RBFOX1: variants seen among roughly 807,000 people sequenced by gnomAD.
RBFOX1 encodes RNA binding protein fox-1 homolog 1.
Under a neutral mutation model 57.7 loss-of-function variants are expected in RBFOX1, and 8 were observed. That is an observed-to-expected ratio of 0.14 (90% CI 0.08 to 0.25). The LOEUF is 0.25. Among genes scored for constraint, RBFOX1 ranks in the 10% least tolerant of loss-of-function variants. RBFOX1 has a pLI of 1.00. For missense variants in RBFOX1, 611 were observed against 548.5 expected (o/e 1.11, Z -1.14); for synonymous variants, 326 against 222.4 (o/e 1.47, Z -4.15).
chr16:6,844,051 C>T (rs1001101375), intron 3 of RBFOX1, among the ~76,000 whole-genome samples: 1 of 152,088 alleles, frequency 6.6e-6, no homozygotes, highest in African/African-American at 2.4e-5. Flanking sequence ...TTCTCTCTCT[C>T]TTTCTCTGTC....
chr16:5,742,699 C>A (rs559367379), intron 3 of RBFOX1, among the ~76,000 whole-genome samples: 2 of 152,274 alleles, frequency 1.3e-5, no homozygotes, highest in Admixed American at 1.3e-4. Context: ...GAATGGGTAT[C>A]ATATATGACT....
intron 2 of RBFOX1, among the ~76,000 whole-genome samples, chr16:6,364,815 T>C (rs1269282515): frequency 6.6e-6 from 1 of 152,214 alleles, no homozygotes; most frequent in Non-Finnish European, 1.5e-5. Flanking sequence ...TCTGCCTGGT[T>C]GGCTGACTTG....
At chr16:6,087,978 T>C (rs2096113759) in intron 1 of RBFOX1, among the ~76,000 whole-genome samples, 1 of 152,186 alleles carries the variant, frequency 6.6e-6, no homozygotes, top group Admixed American at 6.5e-5. Flanking sequence ...TAAAAACTCC[T>C]GCGTGTGTGT....
intron 3 of RBFOX1, among the ~76,000 whole-genome samples, chr16:5,706,765 A>T (rs1385976222): frequency 6.6e-6 from 1 of 151,758 alleles, no homozygotes; most frequent in African/African-American, 2.4e-5. Context: ...CTCCGGGGGC[A>T]CCCCTATGAA....
At chr16:6,542,740 C>T (rs1449634325) in intron 2 of RBFOX1, among the ~76,000 whole-genome samples, 3 of 149,572 alleles carry the variant, frequency 2.0e-5, no homozygotes, top group African/African-American at 4.9e-5. Context: ...GATCTGCCTG[C>T]CTCGGCCCCC....
intron 3 of RBFOX1, chr16:5,616,289 A>T (rs1210249757): frequency 6.6e-6 from 1 of 152,254 alleles, no homozygotes; most frequent in African/African-American, 2.4e-5. Context: ...TAAGGCGCAC[A>T]CGCCACCTGG....
intron 3 of RBFOX1, among the ~76,000 whole-genome samples, chr16:5,829,178 G>A (rs2056179598): frequency 6.6e-6 from 1 of 152,174 alleles, no homozygotes; most frequent in South Asian, 2.1e-4. Context: ...CTTAGAAGCT[G>A]CCTGCCACAC....
At chr16:6,357,986 A>G (rs1156810937) in intron 2 of RBFOX1, among the ~76,000 whole-genome samples, 5 of 151,874 alleles carry the variant, frequency 3.3e-5, no homozygotes. Flanking sequence ...AAAGAAATTA[A>G]TGGGGCCAGA....
intron 4 of RBFOX1, among the ~76,000 whole-genome samples, chr16:7,384,257 TATATATGAA>T (rs1376378224): frequency 6.6e-6 from 1 of 151,906 alleles, no homozygotes; most frequent in Non-Finnish European, 1.5e-5. Flanking sequence ...GTATGAAACT[TATATATGAA>T]ATATATATGT....
chr16:6,426,258 C>T (rs2093925157), intron 2 of RBFOX1, among the ~76,000 whole-genome samples: 1 of 150,916 alleles, frequency 6.6e-6, no homozygotes, highest in African/African-American at 2.4e-5. Context: ...GGTTCAAAAA[C>T]AGATGGGGAG....
chr16:6,580,640 C>G (rs1256427503), intron 2 of RBFOX1, among the ~76,000 whole-genome samples: 1 of 152,144 alleles, frequency 6.6e-6, no homozygotes, highest in African/African-American at 2.4e-5. Flanking sequence ...TTGGTTGATT[C>G]TTTTGTGGGG....
At chr16:6,178,152 C>G (rs1055771110) in intron 1 of RBFOX1, among the ~76,000 whole-genome samples, 5 of 147,578 alleles carry the variant, frequency 3.4e-5, no homozygotes, top group Non-Finnish European at 6.0e-5. Context: ...AGCCTGTGTC[C>G]TTGCCCATAT....
At chr16:5,723,186 G>A (rs2052000427) in intron 3 of RBFOX1, among the ~76,000 whole-genome samples, 1 of 152,206 alleles carries the variant, frequency 6.6e-6, no homozygotes, top group Non-Finnish European at 1.5e-5. Context: ...TAACATGGGA[G>A]AATCACAACG....
intron 2 of RBFOX1, among the ~76,000 whole-genome samples, chr16:6,564,263 T>C (rs1045131713): frequency 4.6e-5 from 7 of 152,260 alleles, no homozygotes; most frequent in African/African-American, 1.7e-4. Flanking sequence ...ATATGGAACA[T>C]GCTCTATGGT....
intron 1 of RBFOX1, among the ~76,000 whole-genome samples, chr16:6,064,833 A>G (rs118050859): frequency 0.016 from 2,496 of 152,106 alleles, 42 homozygotes; most frequent in Middle Eastern, 0.068. Context: ...CCCTCCATCA[A>G]TGATTTCCAA....
At chr16:6,126,502 G>C (rs764239277) in intron 1 of RBFOX1, among the ~76,000 whole-genome samples, 46 of 152,154 alleles carry the variant, frequency 3.0e-4, no homozygotes, top group Non-Finnish European at 6.0e-4. Flanking sequence ...AGATAGTTAT[G>C]TAATATGCCG....
chr16:6,818,510 C>T (rs8060556), intron 3 of RBFOX1, among the ~76,000 whole-genome samples: 38,588 of 152,044 alleles, frequency 0.25, 5,888 homozygotes, highest in African/African-American at 0.43. Context: ...TATGTAGTTA[C>T]TAAAGTGGCA....
At chr16:6,399,707 A>G (rs2092991425) in intron 2 of RBFOX1, among the ~76,000 whole-genome samples, 4 of 152,162 alleles carry the variant, frequency 2.6e-5, no homozygotes. Context: ...TACCTCAATA[A>G]CAGCTTATGT....
chr16:7,071,686 G>C (rs1230530725), intron 4 of RBFOX1, among the ~76,000 whole-genome samples: 1 of 151,596 alleles, frequency 6.6e-6, no homozygotes, highest in East Asian at 1.9e-4. Flanking sequence ...TATTTTCCCA[G>C]TATTGAAATA....
Sources: allele counts gnomAD v4.1 joint callset (sites outside exome capture counted in the v4.1 genomes callset), GRCh38; gene constraint gnomAD v4.1.1; transcripts MANE v1.5; gene names NCBI Gene and HGNC (gene_info 2026-07-23, HGNC 2026-07-21).